Variants in NTNG1 observed in about 807,000 individuals in gnomAD.
The protein encoded by NTNG1 is netrin-G1.
A neutral mutation model predicts 54.0 loss-of-function variants in NTNG1; 16 were observed. That is an observed-to-expected ratio of 0.30 (90% CI 0.20 to 0.45). The LOEUF (loss-of-function observed/expected upper bound fraction) is 0.45, where lower values mean the gene tolerates loss of function less well. NTNG1 is among the 20% of genes least tolerant of loss of function. NTNG1 has a pLI of 1.00. For synonymous variants in NTNG1, 255 were observed against 263.1 expected (o/e 0.97, Z 0.30); for missense variants, 530 against 678.7 (o/e 0.78, Z 2.43).
chr1:107,333,894 T>C (rs113050719), intron 3 of NTNG1: 14 of 151,664 alleles, frequency 9.2e-5, no homozygotes, highest in African/African-American at 3.4e-4. Context: ...TTAAGAATTA[T>C]AGGAAATTAA....
At chr1:107,259,472 T>A (rs867741428) in intron 2 of NTNG1, among the ~76,000 whole-genome samples, 2 of 152,342 alleles carry the variant, frequency 1.3e-5, no homozygotes, top group Non-Finnish European at 1.5e-5. Flanking sequence ...AAAATTAGAC[T>A]TAGGAAATAT....
At chr1:107,238,644 T>A (rs1661579027) in intron 2 of NTNG1, among the ~76,000 whole-genome samples, 1 of 152,168 alleles carries the variant, frequency 6.6e-6, no homozygotes, top group Non-Finnish European at 1.5e-5. Flanking sequence ...ATGAGTCTCA[T>A]GAAATCTGAT....
intron 5 of NTNG1, among the ~76,000 whole-genome samples, chr1:107,429,478 C>T (rs1675117454): frequency 6.6e-6 from 1 of 152,064 alleles, no homozygotes; most frequent in Non-Finnish European, 1.5e-5. Context: ...AGTAACTCAA[C>T]ACCTAGCCAA....
chr1:107,176,078 A>G (rs1557782380), intron 2 of NTNG1, among the ~76,000 whole-genome samples: 1 of 152,214 alleles, frequency 6.6e-6, no homozygotes, highest in African/African-American at 2.4e-5. Context: ...TTCAGGGAAC[A>G]TATGGGTAGT....
chr1:107,393,970 T>A (rs1672520243), intron 3 of NTNG1, among the ~76,000 whole-genome samples: 1 of 152,022 alleles, frequency 6.6e-6, no homozygotes, highest in African/African-American at 2.4e-5. Flanking sequence ...TGAAACTTGA[T>A]TTTCTATATT....
At chr1:107,265,157 A>G (rs1032104379) in intron 2 of NTNG1, among the ~76,000 whole-genome samples, 3 of 152,162 alleles carry the variant, frequency 2.0e-5, no homozygotes, top group Non-Finnish European at 4.4e-5. Context: ...TTCCTCTCTC[A>G]GGAGAATGCC....
At chr1:107,464,609 A>C (rs1677486377) in intron 7 of NTNG1, among the ~76,000 whole-genome samples, 1 of 152,142 alleles carries the variant, frequency 6.6e-6, no homozygotes, top group Non-Finnish European at 1.5e-5. Context: ...AAACCAAATG[A>C]AGTGATCCAA....
At chr1:107,349,965 C>A (rs962665365) in intron 3 of NTNG1, among the ~76,000 whole-genome samples, 1 of 152,150 alleles carries the variant, frequency 6.6e-6, no homozygotes, top group Admixed American at 6.5e-5. Flanking sequence ...AGCACATATT[C>A]AGCATTATAA....
intron 2 of NTNG1, among the ~76,000 whole-genome samples, chr1:107,172,577 A>T (rs1656331561): frequency 6.6e-6 from 1 of 152,100 alleles, no homozygotes. Context: ...AGAGTCCAAG[A>T]CTTAAAATTG....
rs547291184 is a variant in NTNG1 at position 107,323,526 on chromosome 1, G to T, written c.247-756G>T. 7.9e-5 allele frequency among the ~76,000 whole-genome samples: 12 copies of T among 152,216 alleles called. No individual in the cohort carries two copies. In the South Asian group the frequency reaches 2.1e-3, roughly 26 times the overall value. ...GTAACAAACACATCAAGTGGCTGTG[G>T]TTTGATGTGCAACAGCCTCCTAACT... On this transcript the variant is annotated intron_variant, in intron 2 of 7. Transcript: ENST00000370068.
chr1:107,383,490 A>G (rs1175390322), intron 3 of NTNG1, among the ~76,000 whole-genome samples: 1 of 152,268 alleles, frequency 6.6e-6, no homozygotes, highest in Non-Finnish European at 1.5e-5. Flanking sequence ...AGAAAAAAAG[A>G]AAGAGATCTA....
At chr1:107,370,664 C>T (rs1223406722) in intron 3 of NTNG1, among the ~76,000 whole-genome samples, 4 of 152,032 alleles carry the variant, frequency 2.6e-5, no homozygotes, top group African/African-American at 7.2e-5. Flanking sequence ...CAATCCCATC[C>T]AGTTTGCTGC....
chr1:107,413,837 C>CT (rs1452460498), intron 5 of NTNG1, among the ~76,000 whole-genome samples: 2 of 152,086 alleles, frequency 1.3e-5, no homozygotes, highest in East Asian at 1.9e-4. Context: ...CAAACCAGGA[C>CT]TTTTTTCATT....
At chr1:107,459,835 G>A (rs917397719) in intron 7 of NTNG1, among the ~76,000 whole-genome samples, 2 of 152,138 alleles carry the variant, frequency 1.3e-5, no homozygotes, top group African/African-American at 4.8e-5. Flanking sequence ...TTTTAAGATG[G>A]AGCCAGCCGG....
chr1:107,392,226 G>T (rs1248295799), intron 3 of NTNG1, among the ~76,000 whole-genome samples: 1 of 152,016 alleles, frequency 6.6e-6, no homozygotes, highest in African/African-American at 2.4e-5. Flanking sequence ...GAGGGAGGGG[G>T]CTCTATGGAC....
At chr1:107,194,924 A>G (rs1658209358) in intron 2 of NTNG1, among the ~76,000 whole-genome samples, 1 of 151,966 alleles carries the variant, frequency 6.6e-6, no homozygotes. Flanking sequence ...GAGTATTTCT[A>G]TAGGGAAAAA....
chr1:107,361,393 T>TATA (rs10637251), intron 3 of NTNG1, among the ~76,000 whole-genome samples: 1,755 of 26,582 alleles, frequency 0.066, 30 homozygotes, highest in African/African-American at 0.14. Flanking sequence ...ATATATATAT[T>TATA]TTTTTTTTTT....
chr1:107,433,991 C>T lies in NTNG1; in HGVS notation c.1256-2674C>T, dbSNP rs115646459. Among the ~76,000 whole-genome samples the T allele has an allele frequency of 5.7e-3, 871 of 152,284 alleles. 12 individuals carry two copies. The highest frequency in any genetic ancestry group is 0.02 in the African/African-American group (832 of 41,554). The stretch of plus-strand genomic sequence containing the variant: ...ACATCACAAGTAATTGAGAGTTAAT[C>T]TTAATACCATTTTGTATAGAAAGCA... On this transcript the variant is annotated intron_variant, in intron 6 of 7. Coordinates refer to ENST00000370068, the MANE Select transcript of NTNG1 (RefSeq NM_001113226.3).
rs115807258 is a variant in NTNG1, at chr1:107,323,315, T to C, written c.247-967T>C. 2.3e-3 allele frequency among the ~76,000 whole-genome samples: 350 copies of C among 152,280 alleles called. 3 individuals carry two copies. The highest frequency in any genetic ancestry group is 7.6e-3 in the African/African-American group (316 of 41,560). On this transcript the variant is annotated intron_variant, in intron 2 of 7. Coordinates refer to ENST00000370068, the MANE Select transcript of NTNG1 (RefSeq NM_001113226.3). ...AAATCTGGTAACTTGTCATTTGCCATGGAATCTACTGATGAAAGCTGAGAG... is the reference window on the plus strand; with the variant it reads ...AAATCTGGTAACTTGTCATTTGCCACGGAATCTACTGATGAAAGCTGAGAG...
Sources: allele counts gnomAD v4.1 joint callset (sites outside exome capture counted in the v4.1 genomes callset), GRCh38; gene constraint gnomAD v4.1.1; transcripts MANE v1.5; gene names NCBI Gene and HGNC (gene_info 2026-07-23, HGNC 2026-07-21).